The following GRIK1 variants were observed in gnomAD, a reference collection of about 807,000 sequenced individuals.
GRIK1 encodes the protein glutamate receptor ionotropic, kainate 1.
A neutral mutation model predicts 105.7 loss-of-function variants in GRIK1; 69 were observed. The ratio of observed to expected loss-of-function variants is 0.65; its 90% CI spans 0.54 to 0.80. The LOEUF is 0.80. Among genes scored for constraint, GRIK1 ranks in the 30% least tolerant of loss-of-function variants. The probability of loss-of-function intolerance (pLI) is 0.00; values close to 1 mark genes in which losing one functional copy is unlikely to be tolerated. For synonymous variants in GRIK1, 438 were observed against 431.3 expected (o/e 1.02, Z -0.19); for missense variants, 1,109 against 1,167.3 (o/e 0.95, Z 0.73).
rs145614884 is a variant in GRIK1, at chr21:29,561,793, C to T, written c.2187G>A (p.Gln729=). 3 of 1,613,926 alleles carry T rather than the reference C, an allele frequency of 1.9e-6. No individual in the cohort carries two copies. The highest frequency in any genetic ancestry group is 2.7e-5 in the African/African-American group (2 of 74,898). Residue 729 remains glutamine (Q), a synonymous_variant, in exon 15 of 18, where the codon CAG becomes CAA. Coordinates refer to ENST00000327783, the MANE Select transcript of GRIK1 (RefSeq NM_001330994.2). ...CATCACTGTTTCTTACCAGGGCGGT[C>T]TGCTGCCTGCTGCTCATGAAAGCCC... The part of the protein sequence containing the change: ...KMWAFMSSRQ[Q]TALVRNSDEG...
intron 7 of GRIK1, chr21:29,630,611 G>T: frequency 4.2e-6 from 2 of 471,272 alleles, no homozygotes; most frequent in Non-Finnish European, 8.8e-6. Context: ...AGAGGACCTT[G>T]AACCTAGAAT....
chr21:29,558,376 T>TCACACACACACACACACACACACACACA lies in GRIK1; in HGVS notation c.2357-3075_2357-3074insTGTGTGTGTGTGTGTGTGTGTGTGTGTG, dbSNP rs35594883. On this transcript the variant is annotated intron_variant, in intron 15 of 17. Transcript: ENST00000327783. ...TATATATATATTTCATATATATATT[T>TCACACACACACACACACACACACACACA]CACACACACACACACACACACATAT... 1.2e-3 allele frequency among the ~76,000 whole-genome samples: 177 copies of TCACACACACACACACACACACACACACA among 147,004 alleles called. 1 individual carries two copies. The highest frequency in any genetic ancestry group is 4.2e-3 in the African/African-American group (167 of 39,786).
intron 1 of GRIK1, among the ~76,000 whole-genome samples, chr21:29,736,717 G>A (rs951497693): frequency 9.0e-5 from 13 of 144,358 alleles, no homozygotes; most frequent in East Asian, 6.1e-4. Flanking sequence ...TTGCTCTGTC[G>A]CCCAGGCTGG....
chr21:29,558,560 A>G (rs2090314780), intron 15 of GRIK1, among the ~76,000 whole-genome samples: 1 of 151,928 alleles, frequency 6.6e-6, no homozygotes, highest in South Asian at 2.1e-4. Context: ...TAAAAGCATG[A>G]CAGGTTTACA....
chr21:29,613,640 A>G (rs1055715957), intron 7 of GRIK1, among the ~76,000 whole-genome samples: 2 of 152,216 alleles, frequency 1.3e-5, no homozygotes, highest in Admixed American at 6.5e-5. Flanking sequence ...GGAAATTAAT[A>G]GGTAAATAGT....
chr21:29,646,851 T>C (rs940131075), intron 6 of GRIK1, among the ~76,000 whole-genome samples: 2 of 120,210 alleles, frequency 1.7e-5, no homozygotes, highest in Non-Finnish European at 3.4e-5. Flanking sequence ...CTTTCTTTCC[T>C]TTTTTTTTTT....
chr21:29,914,343 A>G (rs528630060), intron 1 of GRIK1, among the ~76,000 whole-genome samples: 23 of 152,056 alleles, frequency 1.5e-4, no homozygotes, highest in Non-Finnish European at 2.8e-4. Context: ...GACAAGATGG[A>G]AGGAAAGATC....
At chr21:29,793,403 G>A (rs1297832118) in intron 1 of GRIK1, among the ~76,000 whole-genome samples, 2 of 152,108 alleles carry the variant, frequency 1.3e-5, no homozygotes, top group African/African-American at 2.4e-5. Flanking sequence ...TAACAGCCCT[G>A]CTACAAGTTA....
At chr21:29,604,490 G>A (rs946751018) in intron 7 of GRIK1, among the ~76,000 whole-genome samples, 4 of 152,156 alleles carry the variant, frequency 2.6e-5, no homozygotes, top group Non-Finnish European at 5.9e-5. Flanking sequence ...ATTGATTAGG[G>A]TGAATATGCA....
chr21:29,835,020 C>T (rs1031461076), intron 1 of GRIK1, among the ~76,000 whole-genome samples: 2 of 152,060 alleles, frequency 1.3e-5, no homozygotes, highest in African/African-American at 4.8e-5. Flanking sequence ...CATAGCGTTT[C>T]TACTATGCTC....
At chr21:29,856,686 A>G (rs1416502965) in intron 1 of GRIK1, among the ~76,000 whole-genome samples, 2 of 152,218 alleles carry the variant, frequency 1.3e-5, no homozygotes, top group African/African-American at 4.8e-5. Flanking sequence ...AAGTTAGACA[A>G]TCATCAAAAG....
At chr21:29,809,779 G>C (rs993273960) in intron 1 of GRIK1, among the ~76,000 whole-genome samples, 2 of 152,148 alleles carry the variant, frequency 1.3e-5, no homozygotes, top group Admixed American at 1.3e-4. Context: ...TTTTAAGTAA[G>C]AGATGTATAA....
rs181966374 is a variant in GRIK1, at chr21:29,624,462, C to T, written c.1098+18364G>A. On this transcript the variant is annotated intron_variant, in intron 7 of 17. Coordinates refer to ENST00000327783, the MANE Select transcript of GRIK1 (RefSeq NM_001330994.2). ...ATTGCCTTTACTCTTATTAATCATG[C>T]CACTTAAATTTTAAAGCTGTATTTA... Among the ~76,000 whole-genome samples the T allele has an allele frequency of 5.3e-5, 8 of 152,084 alleles. 1 individual carries two copies. The East Asian group carries it at 1.4e-3, about 26-fold the overall frequency.
chr21:29,896,542 G>A (rs1416270189), intron 1 of GRIK1, among the ~76,000 whole-genome samples: 5 of 152,138 alleles, frequency 3.3e-5, no homozygotes, highest in Admixed American at 3.3e-4. Context: ...TATTTTGAAT[G>A]AATGAATTTT....
chr21:29,789,139 A>G (rs1298259910), intron 1 of GRIK1, among the ~76,000 whole-genome samples: 1 of 152,058 alleles, frequency 6.6e-6, no homozygotes, highest in Non-Finnish European at 1.5e-5. Flanking sequence ...AAATCCCTGT[A>G]CTCTTTGTCT....
chr21:29,806,663 A>T (rs2145875008), intron 1 of GRIK1, among the ~76,000 whole-genome samples: 1 of 152,192 alleles, frequency 6.6e-6, no homozygotes, highest in African/African-American at 2.4e-5. Flanking sequence ...CTATTAAGTT[A>T]TTGTAGAGTC....
rs76828759 is a variant in GRIK1 at position 29,728,885 on chromosome 21, T to A, written c.119-34822A>T. Among the ~76,000 whole-genome samples the A allele has an allele frequency of 2.7e-3, 411 of 152,268 alleles. 3 individuals are homozygous for A. Among genetic ancestry groups the A allele is most frequent in the African/African-American group, 9.4e-3 (392 of 41,542 alleles). ...ACTAGAAGGATTAAGTAAGAGATAG[T>A]TTGCAGTTTTAAGTAGCATGGACAG... is the stretch of plus-strand genomic sequence containing the variant. On this transcript the variant is annotated intron_variant, in intron 1 of 17. Coordinates refer to ENST00000327783, the MANE Select transcript of GRIK1 (RefSeq NM_001330994.2).
intron 1 of GRIK1, among the ~76,000 whole-genome samples, chr21:29,835,408 G>A (rs891752791): frequency 3.9e-5 from 6 of 152,118 alleles, no homozygotes; most frequent in Admixed American, 2.6e-4. Flanking sequence ...AACTGGTCTT[G>A]TTTCTTTGTC....
chr21:29,707,442 C>CCCTT (rs1337656885), intron 1 of GRIK1, among the ~76,000 whole-genome samples: 99 of 3,296 alleles, frequency 0.03, 11 homozygotes, highest in African/African-American at 0.05. Flanking sequence ...CTCCCTCCCT[C>CCCTT]CCTCCCTCCC....
Sources: allele counts gnomAD v4.1 joint callset (sites outside exome capture counted in the v4.1 genomes callset), GRCh38; gene constraint gnomAD v4.1.1; transcripts MANE v1.5; gene names NCBI Gene and HGNC (gene_info 2026-07-23, HGNC 2026-07-21).